Variants in CCNP observed in about 807,000 individuals in gnomAD.
The protein encoded by CCNP is cyclin-P.
A neutral mutation model predicts 19.6 loss-of-function variants in CCNP; 18 were observed. The ratio of observed to expected loss-of-function variants is 0.92; its 90% CI spans 0.64 to 1.36. The LOEUF is 1.36. Ranked by LOEUF, CCNP falls within the 40% of genes most tolerant of loss-of-function variation. CCNP has a pLI of 0.00. For synonymous variants in CCNP, 228 were observed against 194.9 expected, an observed-to-expected ratio of 1.17 and a Z score of -1.41; for missense variants, 440 against 424.4, an observed-to-expected ratio of 1.04 and a Z score of -0.32.
chr19:40,223,590 C>T lies in CCNP; in HGVS notation c.514-44G>A, dbSNP rs762437458. On this transcript the variant is annotated intron_variant, in intron 3 of 4. Coordinates refer to ENST00000430325, the MANE Select transcript of CCNP (RefSeq NM_024877.4). Reference sequence around the variant, plus strand: ...GGGGGAGGTGAAGGAGTCTTGGATCCGGGCTCTTTACTCCCTGCCCTGGAA... The same window carrying T: ...GGGGGAGGTGAAGGAGTCTTGGATCTGGGCTCTTTACTCCCTGCCCTGGAA... The T allele has an allele frequency of 7.5e-6, 12 of 1,601,300 alleles. No individual in the cohort carries two copies. In the Admixed American group the frequency reaches 1.2e-4, roughly 16 times the overall value.
At position 40,223,413 on chromosome 19, in the gene CCNP, G is replaced by C; in HGVS notation, c.647C>G (p.Ala216Gly). ...PGPLLCLGLLAALAGSSPQVM... is the reference protein window; with the variant it reads ...PGPLLCLGLLGALAGSSPQVM... ...CTGGGGGCTGCTCCCTGCCAGCGCG[G>C]CCAGCAGCCCGAGGCACAGCAGCGG... Residue 216 changes from alanine (A) to glycine (G), a missense_variant, in exon 4 of 5, where the codon GCC (alanine) becomes GGC (glycine). Ala to Gly is a moderately conservative substitution (Grantham distance 60, BLOSUM62 0). Transcript: ENST00000430325. The C allele has an allele frequency of 6.3e-7, 1 of 1,583,254 alleles. No individual in the cohort carries two copies. The highest frequency in any genetic ancestry group is 8.6e-7 in the Non-Finnish European group (1 of 1,165,926).
In CCNP at chr19:40,223,205, C is replaced by T. The variant is rs1973477202; in HGVS notation, c.771G>A (p.Leu257=). ...CCGCCCCGTCGAGCAAGCGGTGCGCCAGGCTCAGAGCCGCAGCCGCACGAC... is the reference window on the plus strand; with the variant it reads ...CCGCCCCGTCGAGCAAGCGGTGCGCTAGGCTCAGAGCCGCAGCCGCACGAC... ...PGRRAAAALS[L]AHRLLDGAGS... The change falls in exon 5 of 5, where the codon CTG becomes CTA. Residue 257 remains leucine (L), a synonymous_variant. Transcript: ENST00000430325. 6.5e-7 allele frequency: 1 copy of T among 1,550,136 alleles called. No individual in the cohort carries two copies. The highest frequency in any genetic ancestry group is 1.4e-5 in the African/African-American group (1 of 73,016).
chr19:40,223,543 C>A lies in CCNP; in HGVS notation c.517G>T (p.Ala173Ser), dbSNP rs777613623. The A allele has an allele frequency of 3.1e-6, 5 of 1,596,674 alleles. No homozygotes were observed. In the African/African-American group the frequency reaches 5.4e-5, roughly 17 times the overall value. The change falls in exon 4 of 5, where the codon GCC becomes TCC. Residue 173 changes from alanine (A) to serine (S), a missense_variant. Transcript: ENST00000430325. ...TCCGCGCTCAGGAGGCAGAGGAAGGCGGGCTGCAGATGGGGGATGCGGGGG... is the reference window on the plus strand; with the variant it reads ...TCCGCGCTCAGGAGGCAGAGGAAGGAGGGCTGCAGATGGGGGATGCGGGGG... Reference protein sequence around the residue: ...KMEECVLPEPAFLCLLSADSF... With the variant: ...KMEECVLPEPSFLCLLSADSF...
Position 40,223,554 on chromosome 19 carries a change from T to A in CCNP, c.514-8A>T, listed in dbSNP as rs1357629295. The A allele has an allele frequency of 6.3e-7, 1 of 1,598,408 alleles. No individual in the cohort carries two copies. The highest frequency in any genetic ancestry group is 1.1e-5 in the South Asian group (1 of 89,726). Reference sequence around the variant, plus strand: ...GAGGCAGAGGAAGGCGGGCTGCAGATGGGGGATGCGGGGGGAGGTGAAGGA... The same window carrying A: ...GAGGCAGAGGAAGGCGGGCTGCAGAAGGGGGATGCGGGGGGAGGTGAAGGA... On this transcript the variant is annotated splice_polypyrimidine_tract_variant and splice_region_variant and intron_variant, in intron 3 of 4. Transcript: ENST00000430325.
chr19:40,223,217 C>A lies in CCNP; in HGVS notation c.759G>T (p.Ala253=). Residue 253 remains alanine (A), a synonymous_variant, in exon 5 of 5, where the codon GCG becomes GCT. Coordinates refer to ENST00000430325, the MANE Select transcript of CCNP (RefSeq NM_024877.4). ...AGWEPGRRAA[A]ALSLAHRLLD... Reference sequence around the variant, plus strand: ...GCAAGCGGTGCGCCAGGCTCAGAGCCGCAGCCGCACGACGACCCGGCTCCC... The same window carrying A: ...GCAAGCGGTGCGCCAGGCTCAGAGCAGCAGCCGCACGACGACCCGGCTCCC... 1 of 1,549,188 alleles carries A rather than the reference C, an allele frequency of 6.5e-7. No homozygotes were observed. Among genetic ancestry groups the A allele is most frequent in the Non-Finnish European group, 8.7e-7 (1 of 1,146,008 alleles).
At chr19:40,226,344 C>T in intron 1 of CCNP, 31 bp downstream of exon 1, 2 of 1,594,984 alleles carry the variant, frequency 1.3e-6, no homozygotes, top group Non-Finnish European at 1.7e-6. Flanking sequence ...CCGGCGTCGC[C>T]CTCACCAGGG....
intron 1 of CCNP, 86 bp downstream of exon 1, chr19:40,226,289 G>A (rs1973537433): frequency 8.5e-7 from 1 of 1,173,870 alleles, no homozygotes; most frequent in Non-Finnish European, 1.2e-6. Flanking sequence ...AGAGGCTGGA[G>A]CGGTGGGAGT....
intron 1 of CCNP, among the ~76,000 whole-genome samples, chr19:40,225,369 A>G (rs760239720): frequency 6.6e-6 from 1 of 151,880 alleles, no homozygotes; most frequent in Non-Finnish European, 1.5e-5. Context: ...TCAGACTTCA[A>G]CTCTTGACCA....
intron 3 of CCNP, chr19:40,223,755 T>C: frequency 1.5e-6 from 1 of 669,354 alleles, no homozygotes; most frequent in Non-Finnish European, 2.6e-6. Flanking sequence ...ATCTGCTCAC[T>C]GTGTGACATA....
In CCNP at chr19:40,224,603, A is replaced by G. The variant is rs1471485812; in HGVS notation, c.398T>C (p.Val133Ala). Residue 133 changes from valine to alanine, a missense_variant, in exon 3 of 5, where the codon GTT becomes GCT. By Grantham distance (64) the Val-to-Ala change is moderately conservative. Coordinates refer to ENST00000430325, the MANE Select transcript of CCNP (RefSeq NM_024877.4). ...GLAGDTLYLA[V>A]HLLDSYLSAG... Reference sequence around the variant, plus strand: ...GCTCAGGTAGGAATCAAGCAGGTGAACCGCCAGATAAAGTGTGTCACCAGC... The same window carrying G: ...GCTCAGGTAGGAATCAAGCAGGTGAGCCGCCAGATAAAGTGTGTCACCAGC... 1 of 1,614,218 alleles carries G rather than the reference A, an allele frequency of 6.2e-7. No individual in the cohort carries two copies. Among genetic ancestry groups the G allele is most frequent in the Non-Finnish European group, 8.5e-7 (1 of 1,180,042 alleles).
Position 40,224,592 on chromosome 19 carries a change from C to A in CCNP, c.409G>T (p.Asp137Tyr), listed in dbSNP as rs1290955880. Reference protein sequence around the residue: ...DTLYLAVHLLDSYLSAGRVRL... With the variant: ...DTLYLAVHLLYSYLSAGRVRL... ...ACGCGGCCAGCGCTCAGGTAGGAATCAAGCAGGTGAACCGCCAGATAAAGT... is the reference window on the plus strand; with the variant it reads ...ACGCGGCCAGCGCTCAGGTAGGAATAAAGCAGGTGAACCGCCAGATAAAGT... The change falls in exon 3 of 5, where the codon GAT (aspartate) becomes TAT (tyrosine). Residue 137 changes from aspartate (D) to tyrosine (Y), a missense_variant. Asp to Tyr is a radical substitution (Grantham distance 160). Coordinates refer to ENST00000430325, the MANE Select transcript of CCNP (RefSeq NM_024877.4). 3 of 1,614,232 alleles carry A rather than the reference C, an allele frequency of 1.9e-6. No individual in the cohort carries two copies. In the Admixed American group the frequency reaches 5.0e-5, roughly 27 times the overall value.
intron 1 of CCNP, among the ~76,000 whole-genome samples, chr19:40,225,847 A>C (rs1973531382): frequency 6.6e-6 from 1 of 152,178 alleles, no homozygotes; most frequent in African/African-American, 2.4e-5. Context: ...CCCACAACAC[A>C]AGTGTCTCTC....
Position 40,224,443 on chromosome 19 carries a change from C to T in CCNP, c.513+45G>A. On this transcript the variant is annotated intron_variant, in intron 3 of 4. Transcript: ENST00000430325. The stretch of plus-strand genomic sequence containing the variant: ...ACAGTAGTCACTGAATCAGTTACTC[C>T]CCAAAGGACTCCATCCACCCTCCCA... 4.4e-6 allele frequency: 7 copies of T among 1,602,430 alleles called. No homozygotes were observed. The South Asian group carries it at 6.7e-5, about 15-fold the overall frequency.
In CCNP at chr19:40,223,074, C is replaced by A; in HGVS notation, c.902G>T (p.Arg301Leu). ...DLPSWSFLRS[R>L]RMRDNY The stretch of plus-strand genomic sequence containing the variant: ...TCCTCAATAATTGTCTCTCATTCTC[C>A]GAGACCGTAAAAATGACCAGGAAGG... The change falls in exon 5 of 5, where the codon CGG (arginine) becomes CTG (leucine). Residue 301 changes from arginine to leucine, a missense_variant. Coordinates refer to ENST00000430325, the MANE Select transcript of CCNP (RefSeq NM_024877.4). The A allele has an allele frequency of 6.5e-7, 1 of 1,540,296 alleles. No individual in the cohort carries two copies. The highest frequency in any genetic ancestry group is 8.8e-7 in the Non-Finnish European group (1 of 1,137,944).
At chr19:40,223,972 G>GTT (rs139230372) in intron 3 of CCNP, among the ~76,000 whole-genome samples, 2,274 of 150,362 alleles carry the variant, frequency 0.015, 54 homozygotes, top group African/African-American at 0.051. Context: ...GATTTGTTTT[G>GTT]TTTTTTTTTG....
At chr19:40,224,929 C>T (rs1387568010) in intron 1 of CCNP, 118 bp from the exon 2 acceptor site, 4 of 849,018 alleles carry the variant, frequency 4.7e-6, no homozygotes, top group Admixed American at 2.7e-5. Context: ...GCATGCCACA[C>T]CCAAACTGGC....
rs756145474 is a variant in CCNP, at chr19:40,226,615, C to A, written c.27G>T (p.Gly9=). Residue 9 remains glycine, a synonymous_variant, in exon 1 of 5, where the codon GGG becomes GGT. Transcript: ENST00000430325. MLVRGRDQ[G]SGSRLGPIVR... is the part of the protein sequence containing the mutation. ...CGATAGGCCCGAGCCGGGAGCCGGA[C>A]CCCTGGTCCCTGCCTCTCACCAGCA... 7.6e-6 allele frequency: 12 copies of A among 1,578,866 alleles called. No homozygotes were observed. In the East Asian group the frequency reaches 2.8e-4, roughly 36 times the overall value.
chr19:40,225,845 A>G (rs943817308), intron 1 of CCNP, among the ~76,000 whole-genome samples: 1 of 152,180 alleles, frequency 6.6e-6, no homozygotes, highest in Non-Finnish European at 1.5e-5. Context: ...TGCCCACAAC[A>G]CAAGTGTCTC....
At chr19:40,225,819 C>T (rs541502588) in intron 1 of CCNP, among the ~76,000 whole-genome samples, 23 of 152,352 alleles carry the variant, frequency 1.5e-4, no homozygotes, top group Admixed American at 2.6e-4. Flanking sequence ...GCCAGTCCCA[C>T]GAGGGCAGGG....
Sources: allele counts gnomAD v4.1 joint callset (sites outside exome capture counted in the v4.1 genomes callset), GRCh38; gene constraint gnomAD v4.1.1; transcripts MANE v1.5; gene names NCBI Gene and HGNC (gene_info 2026-07-23, HGNC 2026-07-21).